The following ATXN1 variants were observed in gnomAD, a reference collection of about 807,000 sequenced individuals.
The protein encoded by ATXN1 is ataxin-1.
In ATXN1, 8 loss-of-function variants were observed where a neutral mutation model predicts 56.4. The observed-to-expected ratio is 0.14, with a 90% CI of 0.08 to 0.26. ATXN1 has a LOEUF of 0.26. Ranked by LOEUF, ATXN1 falls within the 10% of genes least tolerant of loss-of-function variation. The pLI, the probability that ATXN1 is intolerant of heterozygous loss-of-function variation, is 1.00. For missense variants in ATXN1, 987 were observed against 1,106.5 expected, an observed-to-expected ratio of 0.89 and a Z score of 1.53; for synonymous variants, 514 against 494.6, an observed-to-expected ratio of 1.04 and a Z score of -0.52.
In ATXN1 at chr6:16,675,955, G is replaced by A. The variant is rs565937875; in HGVS notation, c.-614-18054C>T. On this transcript the variant is annotated intron_variant, in intron 2 of 7. Coordinates refer to ENST00000436367, the MANE Select transcript of ATXN1 (RefSeq NM_001128164.2). ...GCAAGACACTGCCAAAGGAGAAGCG[G>A]ACAGGGTTATGGGGAAGGAACATAC... 3.9e-5 allele frequency among the ~76,000 whole-genome samples: 6 copies of A among 152,050 alleles called. No homozygotes were observed. In the South Asian group the frequency reaches 1.3e-3, roughly 32 times the overall value.
Position 16,745,423 on chromosome 6 carries a change from T to C in ATXN1, c.-615+7810A>G, listed in dbSNP as rs556678279. ...GTGATCCTTGCAAATGAGAACTGTATAGCTGAAGTTACTAAGAATGTTTAT... is the reference window on the plus strand; with the variant it reads ...GTGATCCTTGCAAATGAGAACTGTACAGCTGAAGTTACTAAGAATGTTTAT... On this transcript the variant is annotated intron_variant, in intron 2 of 7. Coordinates refer to ENST00000436367, the MANE Select transcript of ATXN1 (RefSeq NM_001128164.2). 9.8e-5 allele frequency among the ~76,000 whole-genome samples: 15 copies of C among 152,352 alleles called. No individual in the cohort carries two copies. In the South Asian group the frequency reaches 2.7e-3, roughly 27 times the overall value.
intron 6 of ATXN1, among the ~76,000 whole-genome samples, chr6:16,340,445 G>A (rs1459831915): frequency 6.6e-6 from 1 of 152,086 alleles, no homozygotes; most frequent in Non-Finnish European, 1.5e-5. Context: ...TCACTTCATG[G>A]GCAGAGGGCA....
At chr6:16,469,532 G>A (rs1010326491) in intron 6 of ATXN1, among the ~76,000 whole-genome samples, 1 of 152,210 alleles carries the variant, frequency 6.6e-6, no homozygotes, top group Non-Finnish European at 1.5e-5. Flanking sequence ...CAGGCCTCAG[G>A]AAAGAGGTCA....
At chr6:16,715,843 A>T (rs1328582152) in intron 2 of ATXN1, among the ~76,000 whole-genome samples, 6 of 152,178 alleles carry the variant, frequency 3.9e-5, no homozygotes, top group Admixed American at 3.3e-4. Context: ...TTACTTTTCC[A>T]ACTAGATTTC....
intron 6 of ATXN1, among the ~76,000 whole-genome samples, chr6:16,480,007 C>A (rs555640676): frequency 6.6e-6 from 1 of 152,050 alleles, no homozygotes; most frequent in Admixed American, 6.6e-5. Flanking sequence ...CAAAAATTAG[C>A]CGGGCATTGT....
At chr6:16,487,985 C>T (rs1760584036) in intron 5 of ATXN1, among the ~76,000 whole-genome samples, 1 of 152,028 alleles carries the variant, frequency 6.6e-6, no homozygotes, top group African/African-American at 2.4e-5. Flanking sequence ...TTTTATTTTG[C>T]CATTTCAACT....
At chr6:16,461,235 G>A (rs1386466854) in intron 6 of ATXN1, among the ~76,000 whole-genome samples, 1 of 152,232 alleles carries the variant, frequency 6.6e-6, no homozygotes. Context: ...GATCGAAACA[G>A]AATGGGGACT....
At chr6:16,309,367 A>C (rs972479581) in intron 7 of ATXN1, among the ~76,000 whole-genome samples, 10 of 152,138 alleles carry the variant, frequency 6.6e-5, no homozygotes, top group Non-Finnish European at 1.0e-4. Flanking sequence ...TGGATTAAGA[A>C]AGAATTCAGG....
At chr6:16,418,006 G>T (rs1758951163) in intron 6 of ATXN1, among the ~76,000 whole-genome samples, 1 of 152,166 alleles carries the variant, frequency 6.6e-6, no homozygotes, top group Non-Finnish European at 1.5e-5. Flanking sequence ...GAATGGATGA[G>T]TAAATCAACG....
At chr6:16,350,614 C>T (rs1761545786) in intron 6 of ATXN1, among the ~76,000 whole-genome samples, 1 of 150,874 alleles carries the variant, frequency 6.6e-6, no homozygotes, top group Non-Finnish European at 1.5e-5. Flanking sequence ...TCTCTTTTTC[C>T]CATATTTACT....
intron 6 of ATXN1, among the ~76,000 whole-genome samples, chr6:16,442,442 G>A (rs985874792): frequency 3.3e-5 from 5 of 151,754 alleles, no homozygotes; most frequent in African/African-American, 1.2e-4. Context: ...TAGCCAGAAC[G>A]ATATAATGAC....
chr6:16,679,787 G>A (rs1477310838), intron 2 of ATXN1, among the ~76,000 whole-genome samples: 1 of 152,178 alleles, frequency 6.6e-6, no homozygotes, highest in Non-Finnish European at 1.5e-5. Context: ...ATAAAGATAA[G>A]TAAAATATTG....
At chr6:16,412,367 A>G (rs1288385650) in intron 6 of ATXN1, among the ~76,000 whole-genome samples, 4 of 152,176 alleles carry the variant, frequency 2.6e-5, no homozygotes, top group African/African-American at 9.7e-5. Context: ...AAGGGTTACT[A>G]CTAGACTACA....
At chr6:16,470,768 G>T (rs1201022764) in intron 6 of ATXN1, among the ~76,000 whole-genome samples, 1 of 152,054 alleles carries the variant, frequency 6.6e-6, no homozygotes, top group East Asian at 1.9e-4. Flanking sequence ...CAAGACAGGA[G>T]GATCACTTGA....
At chr6:16,573,738 C>T (rs1007204346) in intron 4 of ATXN1, among the ~76,000 whole-genome samples, 4 of 152,188 alleles carry the variant, frequency 2.6e-5, no homozygotes, top group African/African-American at 9.7e-5. Flanking sequence ...TCCAACATAT[C>T]CCATGCAGGC....
chr6:16,526,049 A>C (rs1352357318), intron 4 of ATXN1, among the ~76,000 whole-genome samples: 5 of 121,004 alleles, frequency 4.1e-5, no homozygotes, highest in Non-Finnish European at 6.9e-5. Flanking sequence ...ATCTATATAT[A>C]TATATATATA....
At chr6:16,709,160 AAATT>A (rs1181581327) in intron 2 of ATXN1, among the ~76,000 whole-genome samples, 4 of 152,176 alleles carry the variant, frequency 2.6e-5, no homozygotes, top group Non-Finnish European at 4.4e-5. Flanking sequence ...GAGCTTAATA[AAATT>A]AATTAACATC....
intron 7 of ATXN1, among the ~76,000 whole-genome samples, chr6:16,309,252 A>G (rs1760331474): frequency 6.7e-6 from 1 of 149,260 alleles, no homozygotes; most frequent in African/African-American, 2.4e-5. Context: ...ATAAATAATA[A>G]TAATAATAAT....
chr6:16,456,072 G>A (rs1410335626), intron 6 of ATXN1, among the ~76,000 whole-genome samples: 1 of 152,172 alleles, frequency 6.6e-6, no homozygotes, highest in Non-Finnish European at 1.5e-5. Flanking sequence ...ACCCATTTGG[G>A]TCCCCTTCCA....
Sources: allele counts gnomAD v4.1 joint callset (sites outside exome capture counted in the v4.1 genomes callset), GRCh38; gene constraint gnomAD v4.1.1; transcripts MANE v1.5; gene names NCBI Gene and HGNC (gene_info 2026-07-23, HGNC 2026-07-21).